The following SLC28A1 variants were observed in gnomAD, a reference collection of about 807,000 sequenced individuals.
SLC28A1 encodes the protein solute carrier family 28 member 1, also known as sodium/nucleoside cotransporter 1.
SLC28A1 carries 64 observed loss-of-function variants against 74.8 expected under a neutral mutation model. That is an observed-to-expected ratio of 0.86 (90% CI 0.70 to 1.05). SLC28A1 has a LOEUF of 1.05. SLC28A1 is among the 50% of genes least tolerant of loss of function. The pLI is 0.00. For missense variants in SLC28A1, 828 were observed against 822.8 expected (o/e 1.01, Z -0.08); for synonymous variants, 359 against 335.0 (o/e 1.07, Z -0.78).
At position 84,904,109 on chromosome 15, in the gene SLC28A1, T is replaced by C; in HGVS notation, c.474T>C (p.Leu158=). The C allele has an allele frequency of 6.2e-7, 1 of 1,614,216 alleles. No homozygotes were observed. The highest frequency in any genetic ancestry group is 1.1e-5 in the South Asian group (1 of 91,084). ...CTCTTGCCTGCAGGGGTCTAGCTCT[T>C]GCTGCTTTCCTGGGCCTGGTCCTGT... ...LLLWFKRGLA[L]AAFLGLVLWL... is the part of the protein sequence containing the mutation. Residue 158 remains leucine, a synonymous_variant, in exon 7 of 19, where the codon CTT becomes CTC. Coordinates refer to ENST00000394573, the MANE Select transcript of SLC28A1 (RefSeq NM_004213.5).
At position 84,918,512 on chromosome 15, in the gene SLC28A1, C is replaced by T; in HGVS notation, c.796-12C>T. 1 of 1,611,924 alleles carries T rather than the reference C, an allele frequency of 6.2e-7. No homozygotes were observed. Among genetic ancestry groups the T allele is most frequent in the Non-Finnish European group, 8.5e-7 (1 of 1,178,054 alleles). On this transcript the variant is annotated splice_polypyrimidine_tract_variant and intron_variant, in intron 9 of 18. Coordinates refer to ENST00000394573, the MANE Select transcript of SLC28A1 (RefSeq NM_004213.5). ...CCTCTAACCTGCGGTCCTATGATCT[C>T]CTTCCCGGCAGGTTCTGCCCATCAT...
chr15:84,908,711 C>T lies in SLC28A1; in HGVS notation c.718-7C>T, dbSNP rs760400217. On this transcript the variant is annotated splice_polypyrimidine_tract_variant and splice_region_variant and intron_variant, in intron 8 of 18. Transcript: ENST00000394573. ...CTGTTTTTGTTTGTTTTGCTTTTTT[C>T]TTTCAGATCTTCCTGAGCTACACGA... The T allele has an allele frequency of 6.2e-7, 1 of 1,612,570 alleles. No homozygotes were observed. The highest frequency in any genetic ancestry group is 1.1e-5 in the South Asian group (1 of 91,074).
chr15:84,971,753 G>A, the SLC28A1 span, among the ~76,000 whole-genome samples: 387 of 151,690 alleles, frequency 2.6e-3, 1 homozygote, highest in Non-Finnish European at 4.0e-3. Flanking sequence ...AGGCTCAAGC[G>A]ATCCTCCCAC....
chr15:84,924,685 A>C (rs940597462), intron 12 of SLC28A1, among the ~76,000 whole-genome samples: 1 of 152,228 alleles, frequency 6.6e-6, no homozygotes, highest in African/African-American at 2.4e-5. Context: ...AAATTCTCAA[A>C]TGCATCCCTC....
chr15:84,936,785 G>T (rs192962701), intron 15 of SLC28A1, among the ~76,000 whole-genome samples: 3 of 152,096 alleles, frequency 2.0e-5, no homozygotes, highest in Admixed American at 6.5e-5. Context: ...AGGTGCAATG[G>T]CTCATGCCTG....
chr15:84,941,746 C>T (rs1423501944), intron 15 of SLC28A1, among the ~76,000 whole-genome samples: 1 of 152,028 alleles, frequency 6.6e-6, no homozygotes, highest in Non-Finnish European at 1.5e-5. Context: ...GTAACACACA[C>T]CTGTAATCCC....
intron 15 of SLC28A1, among the ~76,000 whole-genome samples, chr15:84,936,634 A>C (rs1971976109): frequency 6.6e-6 from 1 of 152,212 alleles, no homozygotes; most frequent in African/African-American, 2.4e-5. Flanking sequence ...AAAAACTATA[A>C]AAGTTCTATA....
chr15:84,936,909 G>A (rs1023571045), intron 15 of SLC28A1, among the ~76,000 whole-genome samples: 9 of 151,908 alleles, frequency 5.9e-5, no homozygotes, highest in Non-Finnish European at 1.0e-4. Context: ...TAAAAATTGC[G>A]GGGTGCAGTG....
At chr15:84,909,767 C>T (rs1367874125) in intron 9 of SLC28A1, among the ~76,000 whole-genome samples, 2 of 152,224 alleles carry the variant, frequency 1.3e-5, no homozygotes, top group Non-Finnish European at 2.9e-5. Context: ...GCCACTGATG[C>T]GTGGCACTGA....
rs772607543 is a variant in SLC28A1 at position 84,921,050 on chromosome 15, G to A, written c.938G>A (p.Gly313Glu). ...GCCACTGAGACCCTGAGTGTGGCTG[G>A]AAACATCTTTGTGAGCCAGGTGGGT... The part of the protein sequence containing the change: ...TTATETLSVA[G>E]NIFVSQTEAP... Residue 313 changes from glycine to glutamate, a missense_variant, in exon 11 of 19, where the codon GGA (glycine) becomes GAA (glutamate). Physicochemically the swap from Gly to Glu is moderately conservative, Grantham distance 98. Transcript: ENST00000394573. 1 of 1,613,912 alleles carries A rather than the reference G, an allele frequency of 6.2e-7. No individual in the cohort carries two copies. Among genetic ancestry groups the A allele is most frequent in the Admixed American group, 1.7e-5 (1 of 60,022 alleles).
intron 6 of SLC28A1, among the ~76,000 whole-genome samples, chr15:84,900,625 C>T (rs77095267): frequency 0.019 from 2,880 of 151,920 alleles, 83 homozygotes; most frequent in African/African-American, 0.064. Context: ...ATCATAAGAC[C>T]CCATCTCTAC....
intron 5 of SLC28A1, among the ~76,000 whole-genome samples, chr15:84,894,035 G>C (rs191565582): frequency 8.5e-5 from 13 of 152,266 alleles, no homozygotes; most frequent in African/African-American, 2.9e-4. Flanking sequence ...CCATGGCTAT[G>C]AGTCCTTTCC....
chr15:84,895,922 A>G (rs988691671), intron 6 of SLC28A1: 131 of 997,914 alleles, frequency 1.3e-4, no homozygotes, highest in Non-Finnish European at 1.5e-4. Flanking sequence ...AGTGAGATCC[A>G]CATACCACAG....
chr15:84,945,002 C>T (rs754552510), intron 18 of SLC28A1, 123 bp from the exon 19 acceptor site: 26 of 1,108,722 alleles, frequency 2.3e-5, no homozygotes, highest in Non-Finnish European at 3.0e-5. Context: ...GGTGAAGGCT[C>T]GAGGACCAAT....
downstream of SLC28A1, among the ~76,000 whole-genome samples, chr15:84,949,629 G>T (rs2084745): frequency 0.89 from 130,835 of 147,628 alleles, 58,066 homozygotes; most frequent in East Asian, 0.96. Context: ...CAGGCTGGTC[G>T]TGAACTCCTG....
At chr15:84,912,806 G>GCGCACACACA (rs764101004) in intron 9 of SLC28A1, among the ~76,000 whole-genome samples, 14 of 112,288 alleles carry the variant, frequency 1.2e-4, no homozygotes, top group South Asian at 5.0e-4. Flanking sequence ...TTGCGCGCGC[G>GCGCACACACA]CACACACACA....
chr15:84,894,998 G>A lies in SLC28A1; in HGVS notation c.336G>A (p.Leu112=). The A allele has an allele frequency of 1.2e-6, 2 of 1,614,194 alleles. No homozygotes were observed. Among genetic ancestry groups the A allele is most frequent in the Non-Finnish European group, 1.7e-6 (2 of 1,180,040 alleles). The change falls in exon 6 of 19, where the codon CTG becomes CTA. Residue 112 remains leucine, a synonymous_variant. Transcript: ENST00000394573. ...CLLDFQRALA[L]FVLTCVVLTF... ...TGGATTTCCAGAGGGCCCTGGCTCT[G>A]TTTGTCCTCACCTGTGTGGTCCTCA...
intron 15 of SLC28A1, chr15:84,940,692 G>T (rs4247410): frequency 0.9 from 140,070 of 155,514 alleles, 63,306 homozygotes; most frequent in African/African-American, 0.97. Context: ...AGCTTTGCAG[G>T]TGTCTTTTTC....
intron 15 of SLC28A1, among the ~76,000 whole-genome samples, chr15:84,937,273 T>C (rs1249709089): frequency 1.3e-5 from 2 of 152,096 alleles, no homozygotes; most frequent in Non-Finnish European, 2.9e-5. Context: ...TTGAAATGAG[T>C]ATCTTTGTGC....
Sources: allele counts gnomAD v4.1 joint callset (sites outside exome capture counted in the v4.1 genomes callset), GRCh38; gene constraint gnomAD v4.1.1; transcripts MANE v1.5; gene names NCBI Gene and HGNC (gene_info 2026-07-23, HGNC 2026-07-21).